Variants in ABCG2 observed in about 807,000 individuals in gnomAD.
ABCG2 encodes the protein ATP binding cassette subfamily G member 2 (JR blood group).
A neutral mutation model predicts 73.5 loss-of-function variants in ABCG2; 80 were observed. The ratio of observed to expected loss-of-function variants is 1.09; its 90% CI spans 0.91 to 1.31. The LOEUF is 1.31. ABCG2 is among the 50% of genes most tolerant of loss of function. The pLI is 0.00. For missense variants in ABCG2, 796 were observed against 786.2 expected (o/e 1.01, Z -0.15); for synonymous variants, 269 against 282.4 (o/e 0.95, Z 0.48).
intron 1 of ABCG2, among the ~76,000 whole-genome samples, chr4:88,208,381 G>A (rs1190775098): frequency 6.6e-6 from 1 of 152,158 alleles, no homozygotes; most frequent in East Asian, 1.9e-4. Flanking sequence ...CCCATGAAGG[G>A]CCACACAGAG....
At chr4:88,118,815 G>C (rs1723768325) in intron 6 of ABCG2, among the ~76,000 whole-genome samples, 1 of 152,106 alleles carries the variant, frequency 6.6e-6, no homozygotes, top group African/African-American at 2.4e-5. Context: ...ATATTGTCAT[G>C]AGGCAGTTCC....
intron 8 of ABCG2, among the ~76,000 whole-genome samples, chr4:88,114,504 G>C (rs540611658): frequency 2.0e-5 from 3 of 151,894 alleles, no homozygotes; most frequent in Admixed American, 2.0e-4. Context: ...GCACAGGCTT[G>C]TAATTCTAGT....
At chr4:88,142,636 C>T (rs945807417) in intron 1 of ABCG2, among the ~76,000 whole-genome samples, 4 of 152,086 alleles carry the variant, frequency 2.6e-5, no homozygotes, top group African/African-American at 9.7e-5. Flanking sequence ...AAGATTCAAC[C>T]AGTCGCAAAT....
chr4:88,126,823 C>G (rs1212525704), intron 5 of ABCG2, among the ~76,000 whole-genome samples: 1 of 152,158 alleles, frequency 6.6e-6, no homozygotes, highest in Non-Finnish European at 1.5e-5. Context: ...CAATATCATA[C>G]TGAATGGGCA....
At chr4:88,094,475 T>C (rs1453541920) in intron 15 of ABCG2, 102 bp downstream of exon 15, 1 of 974,622 alleles carries the variant, frequency 1.0e-6, no homozygotes, top group African/African-American at 1.7e-5. Flanking sequence ...TCGGAAAAAT[T>C]CAGTGCCCCT....
chr4:88,152,893 A>G (rs1726616948), intron 1 of ABCG2, among the ~76,000 whole-genome samples: 1 of 152,128 alleles, frequency 6.6e-6, no homozygotes, highest in South Asian at 2.1e-4. Flanking sequence ...GGGAGAGATT[A>G]AGCTGAAGGA....
intron 5 of ABCG2, 58 bp downstream of exon 5, chr4:88,131,003 C>G: frequency 6.3e-7 from 1 of 1,575,516 alleles, no homozygotes; most frequent in Non-Finnish European, 8.6e-7. Context: ...GTCATTTTAT[C>G]CACACAGGGA....
intron 1 of ABCG2, among the ~76,000 whole-genome samples, chr4:88,146,622 A>T (rs1242762456): frequency 2.0e-5 from 3 of 152,044 alleles, no homozygotes; most frequent in African/African-American, 7.2e-5. Flanking sequence ...TTGAACTCCC[A>T]ACCTCAGGTG....
chr4:88,136,329 T>C (rs1190493171), intron 2 of ABCG2, among the ~76,000 whole-genome samples: 2 of 152,140 alleles, frequency 1.3e-5, no homozygotes, highest in African/African-American at 4.8e-5. Flanking sequence ...CCAATAGCAA[T>C]GAGCATTTTA....
intron 1 of ABCG2, among the ~76,000 whole-genome samples, chr4:88,153,951 G>A (rs1726739192): frequency 6.6e-6 from 1 of 152,174 alleles, no homozygotes; most frequent in Non-Finnish European, 1.5e-5. Context: ...GAAAGGAAAT[G>A]TTCTAAGAGG....
chr4:88,093,879 T>C (rs544553950), intron 15 of ABCG2, among the ~76,000 whole-genome samples: 36 of 152,316 alleles, frequency 2.4e-4, no homozygotes, highest in Non-Finnish European at 4.9e-4. Flanking sequence ...TAAAACAATA[T>C]TATCCAGTGT....
intron 11 of ABCG2, among the ~76,000 whole-genome samples, chr4:88,099,972 T>C (rs1222263494): frequency 6.6e-6 from 1 of 152,178 alleles, no homozygotes; most frequent in African/African-American, 2.4e-5. Context: ...CTTCTTTCAA[T>C]GATCATGTCT....
intron 1 of ABCG2, among the ~76,000 whole-genome samples, chr4:88,205,588 G>C (rs1729342903): frequency 6.6e-6 from 1 of 152,124 alleles, no homozygotes; most frequent in Admixed American, 6.6e-5. Context: ...AGTCCCATCA[G>C]TTCTTCCTTT....
chr4:88,163,398 T>C (rs887172926), upstream of ABCG2, among the ~76,000 whole-genome samples: 3 of 152,130 alleles, frequency 2.0e-5, no homozygotes, highest in Admixed American at 1.3e-4. Context: ...TGGTTTGAAT[T>C]AGACAGACTA....
rs747284315 is a variant in ABCG2 at position 88,092,353 on chromosome 4, G to T, written c.1849C>A (p.Gln617Lys). ...TCTGEEYLVK[Q>K]GIDLSPWGLW... ...CCCCAGGGTGAGAGATCGATGCCCT[G>T]CTTTACCAAATATTCTTCGCCAGTA... Residue 617 changes from glutamine (Q) to lysine (K), a missense_variant, in exon 16 of 16, where the codon CAG becomes AAG. Physicochemically the swap from Gln to Lys is moderately conservative, Grantham distance 53. Coordinates refer to ENST00000237612, the MANE Select transcript of ABCG2 (RefSeq NM_004827.3). The T allele has an allele frequency of 1.7e-5, 27 of 1,611,874 alleles. No individual in the cohort carries two copies. Among genetic ancestry groups the T allele is most frequent in the Non-Finnish European group, 2.1e-5 (25 of 1,179,572 alleles).
chr4:88,128,778 A>C (rs1002375202), intron 5 of ABCG2, among the ~76,000 whole-genome samples: 6 of 152,158 alleles, frequency 3.9e-5, no homozygotes, highest in Admixed American at 3.9e-4. Flanking sequence ...TCAGGGTGTC[A>C]GGGGCTAGGG....
At chr4:88,103,302 G>A (rs943680890) in intron 10 of ABCG2, among the ~76,000 whole-genome samples, 3 of 152,112 alleles carry the variant, frequency 2.0e-5, no homozygotes, top group Non-Finnish European at 4.4e-5. Flanking sequence ...CAATGGAAAC[G>A]TTCCTTCTAA....
intron 1 of ABCG2, among the ~76,000 whole-genome samples, chr4:88,170,638 C>T (rs1160234212): frequency 6.6e-6 from 1 of 152,252 alleles, no homozygotes; most frequent in Non-Finnish European, 1.5e-5. Flanking sequence ...TCTGAAACCC[C>T]TGCCCTCTCT....
chr4:88,154,341 G>C (rs934909471), intron 1 of ABCG2, among the ~76,000 whole-genome samples: 3 of 152,210 alleles, frequency 2.0e-5, no homozygotes, highest in Admixed American at 2.0e-4. Context: ...GGACCCTTGT[G>C]TAGTGAGGAA....
Sources: allele counts gnomAD v4.1 joint callset (sites outside exome capture counted in the v4.1 genomes callset), GRCh38; gene constraint gnomAD v4.1.1; transcripts MANE v1.5; gene names NCBI Gene and HGNC (gene_info 2026-07-23, HGNC 2026-07-21).